Variants in PTGES3 observed in about 807,000 individuals in gnomAD.
The protein encoded by PTGES3 is Hsp90 co-chaperone.
In PTGES3, 5 loss-of-function variants were observed where a neutral mutation model predicts 29.9. The ratio of observed to expected loss-of-function variants is 0.17; its 90% CI spans 0.09 to 0.35. The LOEUF (loss-of-function observed/expected upper bound fraction) is 0.35. Among genes scored for constraint, PTGES3 ranks in the 10% least tolerant of loss-of-function variants. The pLI, the probability that PTGES3 is intolerant of heterozygous loss-of-function variation, is 1.00. For missense variants in PTGES3, 128 were observed against 190.0 expected, an observed-to-expected ratio of 0.67 and a Z score of 1.92; for synonymous variants, 49 against 57.8, an observed-to-expected ratio of 0.85 and a Z score of 0.69.
chr12:56,677,543 T>C (rs1034652041), intron 1 of PTGES3, among the ~76,000 whole-genome samples: 1 of 152,146 alleles, frequency 6.6e-6, no homozygotes, highest in Non-Finnish European at 1.5e-5. Flanking sequence ...AAGAAAAATA[T>C]ATATAGTTTC....
rs1186761626 is a variant in PTGES3 at position 56,676,290 on chromosome 12, A to AT, written c.3-3226dup. Among the ~76,000 whole-genome samples, 10 of 149,452 alleles carry AT rather than the reference A, an allele frequency of 6.7e-5. No homozygotes were observed. In the East Asian group the frequency reaches 1.2e-3, roughly 18 times the overall value. On this transcript the variant is annotated intron_variant, in intron 1 of 7. Coordinates refer to ENST00000262033, the MANE Select transcript of PTGES3 (RefSeq NM_006601.7). ...ACCCAGCATTTCTGACAGAAGGCTT[A>AT]TTTTTTTTCACTTCACAAAAAGGGA...
chr12:56,685,888 T>C (rs1397002629), intron 1 of PTGES3, among the ~76,000 whole-genome samples: 1 of 150,188 alleles, frequency 6.7e-6, no homozygotes, highest in Non-Finnish European at 1.5e-5. Flanking sequence ...GCGATTCTCC[T>C]GCCTCAGCCT....
intron 1 of PTGES3, among the ~76,000 whole-genome samples, chr12:56,675,129 G>A (rs943355234): frequency 6.6e-6 from 1 of 150,488 alleles, no homozygotes; most frequent in African/African-American, 2.4e-5. Flanking sequence ...GTAAAACCCC[G>A]TCTCTACTAA....
Position 56,673,484 on chromosome 12 carries a change from G to GAAAAAAAAAAAAAAAAAAA in PTGES3, c.3-420_3-419insTTTTTTTTTTTTTTTTTTT, listed in dbSNP as rs758207497. Among the ~76,000 whole-genome samples, 2 of 36,824 alleles carry GAAAAAAAAAAAAAAAAAAA rather than the reference G, an allele frequency of 5.4e-5. 1 individual carries two copies. 24.2% of individuals were successfully genotyped at this position (36,824 alleles called of 152,430 possible). A position where few individuals can be genotyped will look rare whatever the true frequency, so the allele number is the denominator to read the frequency against. On this transcript the variant is annotated intron_variant, in intron 1 of 7. Transcript: ENST00000262033. ...CCGACTCTACTACAAATACAAATAC[G>GAAAAAAAAAAAAAAAAAAA]GAAAAAAAAAAAAAAAAAAAAAAAA... is the stretch of plus-strand genomic sequence containing the variant.
At chr12:56,681,462 C>T (rs543122503) in intron 1 of PTGES3, among the ~76,000 whole-genome samples, 56 of 131,490 alleles carry the variant, frequency 4.3e-4, no homozygotes, top group African/African-American at 1.5e-3. Context: ...GGCGTGAACC[C>T]GGGAGGCGGA....
chr12:56,665,002 T>C, intron 6 of PTGES3: 6 of 985,396 alleles, frequency 6.1e-6, no homozygotes, highest in South Asian at 4.7e-5. Flanking sequence ...TATCTACCTA[T>C]AAAAAATGAT....
At chr12:56,681,831 T>C (rs529626116) in intron 1 of PTGES3, among the ~76,000 whole-genome samples, 2 of 151,232 alleles carry the variant, frequency 1.3e-5, no homozygotes, top group East Asian at 4.1e-4. Context: ...CACTCCAGCC[T>C]GGGCGACAGA....
At position 56,663,357 on chromosome 12, in the gene PTGES3, G is replaced by A. The variant is rs2137562580; in HGVS notation, c.*1122C>T. The A allele has an allele frequency of 6.6e-6, 1 of 152,298 alleles. No individual in the cohort carries two copies. The highest frequency in any genetic ancestry group is 2.1e-4 in the South Asian group (1 of 4,828). 9.4% of individuals were successfully genotyped at this position (152,298 alleles called of 1,614,324 possible). ...ATGCAGAAGTTCAAAGATTTAGGAGGACAACACATTTAGTTTTATTTCAAT... is the reference window on the plus strand; with the variant it reads ...ATGCAGAAGTTCAAAGATTTAGGAGAACAACACATTTAGTTTTATTTCAAT... On this transcript the variant is annotated 3_prime_UTR_variant, in exon 8 of 8. Transcript: ENST00000262033.
chr12:56,668,813 T>C (rs1951880962), intron 5 of PTGES3, among the ~76,000 whole-genome samples: 1 of 152,090 alleles, frequency 6.6e-6, no homozygotes, highest in Non-Finnish European at 1.5e-5. Flanking sequence ...TTCATCAGTA[T>C]GCATTCGACT....
intron 6 of PTGES3, chr12:56,665,318 TG>T: frequency 1.1e-6 from 1 of 945,472 alleles, no homozygotes; most frequent in Non-Finnish European, 1.2e-6. Flanking sequence ...TGGGGGGAGA[TG>T]GAGTCTTGCT....
intron 4 of PTGES3, among the ~76,000 whole-genome samples, chr12:56,671,277 A>G (rs1228629117): frequency 6.6e-6 from 1 of 152,114 alleles, no homozygotes; most frequent in Admixed American, 6.6e-5. Flanking sequence ...ATGCCCCTAC[A>G]GTCCCAGCTA....
chr12:56,675,496 T>G (rs1345003168), intron 1 of PTGES3, among the ~76,000 whole-genome samples: 2 of 142,644 alleles, frequency 1.4e-5, no homozygotes, highest in African/African-American at 5.4e-5. Flanking sequence ...ACTACTGCAC[T>G]CTAGCCTAGG....
chr12:56,676,232 C>CCAA (rs372309759), intron 1 of PTGES3, among the ~76,000 whole-genome samples: 29 of 129,966 alleles, frequency 2.2e-4, no homozygotes, highest in Admixed American at 3.2e-4. Flanking sequence ...TCTCCCCCCC[C>CCAA]AAAAAAAAAA....
chr12:56,687,718 C>A (rs568240869), intron 1 of PTGES3: 86 of 1,353,104 alleles, frequency 6.4e-5, no homozygotes, highest in South Asian at 3.1e-4. Context: ...GTGAAGTTAC[C>A]GAAAGAGGCG....
At chr12:56,672,707 T>C (rs780272860) in intron 3 of PTGES3, 33 bp downstream of exon 3, 15 of 1,513,236 alleles carry the variant, frequency 9.9e-6, no homozygotes, top group Non-Finnish European at 2.7e-6. Context: ...TCCTCACAAC[T>C]AAAATTTGGA....
At position 56,664,790 on chromosome 12, in the gene PTGES3, T is replaced by G; in HGVS notation, c.449A>C (p.Asp150Ala). The change falls in exon 7 of 8, where the codon GAC (aspartate) becomes GCC (alanine). Residue 150 changes from aspartate to alanine, a missense_variant. By Grantham distance (126) the Asp-to-Ala change is moderately radical. Coordinates refer to ENST00000262033, the MANE Select transcript of PTGES3 (RefSeq NM_006601.7). ...EVDGADDDSQ[D>A]SDDEKMPDLE ...TATACACTTACTTTCATCATCACTG[T>G]CTTGTGAATCCTGAAAGAGGGAAAA... is the stretch of plus-strand genomic sequence containing the variant. The G allele has an allele frequency of 5.0e-6, 8 of 1,597,338 alleles. No homozygotes were observed. Among genetic ancestry groups the G allele is most frequent in the Non-Finnish European group, 6.8e-6 (8 of 1,168,030 alleles).
intron 5 of PTGES3, among the ~76,000 whole-genome samples, chr12:56,668,360 G>C (rs1343725624): frequency 1.3e-5 from 2 of 152,174 alleles, no homozygotes; most frequent in East Asian, 1.9e-4. Flanking sequence ...AGAGAAAACT[G>C]TACATATTCA....
intron 1 of PTGES3, among the ~76,000 whole-genome samples, chr12:56,676,622 C>T (rs972239875): frequency 6.6e-6 from 1 of 152,018 alleles, no homozygotes; most frequent in Non-Finnish European, 1.5e-5. Flanking sequence ...ATGTGGAAAG[C>T]CACAAGAGTT....
intron 5 of PTGES3, among the ~76,000 whole-genome samples, chr12:56,669,007 ATTTTTT>A (rs577249197): frequency 2.1e-4 from 20 of 97,058 alleles, no homozygotes; most frequent in Admixed American, 2.7e-4. Context: ...TTCACCATGA[ATTTTTT>A]TTTTTTTTTT....
Sources: allele counts gnomAD v4.1 joint callset (sites outside exome capture counted in the v4.1 genomes callset), GRCh38; gene constraint gnomAD v4.1.1; transcripts MANE v1.5; gene names NCBI Gene and HGNC (gene_info 2026-07-23, HGNC 2026-07-21).